NEXMIF: variants seen among roughly 807,000 people sequenced by gnomAD.
The protein encoded by NEXMIF is neurite extension and migration factor.
In NEXMIF, 8 loss-of-function variants were observed where a neutral mutation model predicts 62.1. That is an observed-to-expected ratio of 0.13 (90% CI 0.08 to 0.23). The LOEUF (loss-of-function observed/expected upper bound fraction) is 0.23, where lower values mean the gene tolerates loss of function less well. Among genes scored for constraint, NEXMIF ranks in the 10% least tolerant of loss-of-function variants. The pLI is 1.00. For synonymous variants in NEXMIF, 404 were observed against 416.6 expected (o/e 0.97, Z 0.37); for missense variants, 976 against 1,113.3 (o/e 0.88, Z 1.75).
At chrX:74,759,428 T>C (rs1380130762) in intron 1 of NEXMIF, among the ~76,000 whole-genome samples, 1 of 112,540 alleles carries the variant, frequency 8.9e-6, no homozygotes, top group Non-Finnish European at 1.9e-5. Context: ...TTTGTTATGG[T>C]TGCTTTTGGC....
intron 1 of NEXMIF, among the ~76,000 whole-genome samples, chrX:74,767,300 C>A (rs2080197752): frequency 8.9e-6 from 1 of 112,299 alleles, no homozygotes. Flanking sequence ...TGCTCCAGTC[C>A]CTAATCACTT....
chrX:74,866,772 G>T (rs1183436705), intron 1 of NEXMIF, among the ~76,000 whole-genome samples: 2 of 112,592 alleles, frequency 1.8e-5, no homozygotes, highest in African/African-American at 6.5e-5. Context: ...ATGTGCTCTG[G>T]CATGCTGCCA....
At chrX:74,793,444 A>T (rs1040260721) in intron 1 of NEXMIF, among the ~76,000 whole-genome samples, 7 of 109,237 alleles carry the variant, frequency 6.4e-5, no homozygotes, top group African/African-American at 2.3e-4. Context: ...GAATCTGACA[A>T]TTATGTGTCT....
chrX:74,906,836 T>C (rs2080770735), intron 1 of NEXMIF, among the ~76,000 whole-genome samples: 1 of 111,381 alleles, frequency 9.0e-6, no homozygotes, highest in African/African-American at 3.3e-5. Flanking sequence ...AAATGCCATG[T>C]TTATCCTCCA....
At chrX:74,882,368 G>A (rs781441705) in intron 1 of NEXMIF, among the ~76,000 whole-genome samples, 1 of 112,129 alleles carries the variant, frequency 8.9e-6, no homozygotes, top group East Asian at 2.8e-4. Context: ...CCCGGGAAGT[G>A]CAAAGGGTCA....
At chrX:74,915,713 T>C (rs6647581) in intron 1 of NEXMIF, among the ~76,000 whole-genome samples, 14,425 of 110,739 alleles carry the variant, frequency 0.13, 1,579 homozygotes, top group East Asian at 0.91. Flanking sequence ...AATGTAATGA[T>C]GGAAGCAAGA....
At chrX:74,874,569 T>C (rs2080620797) in intron 1 of NEXMIF, among the ~76,000 whole-genome samples, 1 of 99,847 alleles carries the variant, frequency 1.0e-5, no homozygotes, top group South Asian at 5.2e-4. Context: ...ATTGAATCTG[T>C]AAATTACCTT....
At chrX:74,877,770 C>G (rs1487122014) in intron 1 of NEXMIF, among the ~76,000 whole-genome samples, 2 of 112,117 alleles carry the variant, frequency 1.8e-5, no homozygotes, top group East Asian at 5.6e-4. Context: ...CCGTTTCTTG[C>G]AGTTGATCGC....
intron 1 of NEXMIF, among the ~76,000 whole-genome samples, chrX:74,873,772 T>C (rs772689946): frequency 8.9e-6 from 1 of 112,601 alleles, no homozygotes; most frequent in South Asian, 3.7e-4. Context: ...ATGTGTTTTT[T>C]GGCTGCATAA....
At chrX:74,764,392 G>T (rs1319012185) in intron 1 of NEXMIF, among the ~76,000 whole-genome samples, 1 of 111,682 alleles carries the variant, frequency 9.0e-6, no homozygotes, top group East Asian at 2.8e-4. Context: ...GAGGATTTTT[G>T]AATCAATGTT....
intron 1 of NEXMIF, among the ~76,000 whole-genome samples, chrX:74,886,565 T>C (rs926149269): frequency 2.4e-4 from 26 of 110,551 alleles, no homozygotes; most frequent in Admixed American, 1.1e-3. Flanking sequence ...TCAAAGAAAA[T>C]GAAATACCTA....
At chrX:74,916,440 G>A (rs1337363666) in intron 1 of NEXMIF, among the ~76,000 whole-genome samples, 1 of 111,578 alleles carries the variant, frequency 9.0e-6, no homozygotes, top group Non-Finnish European at 1.9e-5. Flanking sequence ...AAAGGTGAAT[G>A]GATTGATCCA....
At position 74,858,957 on chromosome X, in the gene NEXMIF, T is replaced by C. The variant is rs140832510; in HGVS notation, c.-48+65926A>G. On this transcript the variant is annotated intron_variant, in intron 1 of 3. Coordinates refer to ENST00000055682, the MANE Select transcript of NEXMIF (RefSeq NM_001008537.3). ...AGAATGAAGACAGGTTATTTGAAAA[T>C]ACACAGTAAGAGTAGACAAAAGAAA... is the stretch of plus-strand genomic sequence containing the variant. Among the ~76,000 whole-genome samples, 3 of 109,459 alleles carry C rather than the reference T, an allele frequency of 2.7e-5. No individual in the cohort carries two copies. In the East Asian group the frequency reaches 8.7e-4, roughly 32 times the overall value.
chrX:74,796,967 A>G (rs1467600250), intron 1 of NEXMIF, among the ~76,000 whole-genome samples: 1 of 112,057 alleles, frequency 8.9e-6, no homozygotes, highest in African/African-American at 3.2e-5. Flanking sequence ...CCAAATGACC[A>G]AAGTTAAATG....
chrX:74,909,708 T>C (rs1006918072), intron 1 of NEXMIF, among the ~76,000 whole-genome samples: 2 of 111,954 alleles, frequency 1.8e-5, no homozygotes, highest in Non-Finnish European at 3.8e-5. Context: ...GCCTCTCCCA[T>C]CATAGACACA....
chrX:74,736,458 G>A lies in NEXMIF; in HGVS notation c.*2947C>T, dbSNP rs983980970. ...CATTAATAGGAAACAGCTTCTCAGA[G>A]GGGGAAGGTTAGAAGGGAGCGGTAA... On this transcript the variant is annotated 3_prime_UTR_variant, in exon 4 of 4. Transcript: ENST00000055682. 9.0e-6 allele frequency: 1 copy of A among 111,475 alleles called. No individual in the cohort carries two copies. The highest frequency in any genetic ancestry group is 3.3e-5 in the African/African-American group (1 of 30,585). The allele number at this position is 111,475 out of a possible 1,213,427, so 9.2% of individuals were successfully genotyped here. A position where few individuals can be genotyped will look rare whatever the true frequency, so the allele number is the denominator to read the frequency against.
intron 1 of NEXMIF, among the ~76,000 whole-genome samples, chrX:74,898,860 G>T (rs2080740422): frequency 9.0e-6 from 1 of 111,319 alleles, no homozygotes; most frequent in Admixed American, 9.6e-5. Context: ...AAAAGGAAAT[G>T]AAGAAATCAA....
chrX:74,868,541 T>G (rs922657520), intron 1 of NEXMIF, among the ~76,000 whole-genome samples: 5 of 101,917 alleles, frequency 4.9e-5, no homozygotes, highest in Admixed American at 4.7e-4. Flanking sequence ...AAACCAAGCA[T>G]CACATGTTCT....
chrX:74,835,836 G>A (rs1232764570), intron 1 of NEXMIF, among the ~76,000 whole-genome samples: 1 of 111,963 alleles, frequency 8.9e-6, no homozygotes, highest in Non-Finnish European at 1.9e-5. Context: ...ACTGTTTGGT[G>A]TCCTTCCCTT....
Sources: gnomAD v4.1 joint callset for allele counts (sites outside exome capture counted in the v4.1 genomes callset) on GRCh38, gnomAD v4.1.1 for gene constraint, MANE v1.5 for transcripts, NCBI Gene and HGNC (gene_info 2026-07-23, HGNC 2026-07-21) for gene names.